The following ADAMTS9 variants were observed in gnomAD, a reference collection of about 807,000 sequenced individuals.
ADAMTS9 encodes the protein A disintegrin and metalloproteinase with thrombospondin motifs 9.
ADAMTS9 carries 107 observed loss-of-function variants against 257.1 expected under a neutral mutation model. The ratio of observed to expected loss-of-function variants is 0.42; its 90% CI spans 0.36 to 0.49. The LOEUF (loss-of-function observed/expected upper bound fraction) is 0.49, where lower values mean the gene tolerates loss of function less well. Ranked by LOEUF, ADAMTS9 falls within the 20% of genes least tolerant of loss-of-function variation. The pLI is 0.03. For missense variants in ADAMTS9, 2,353 were observed against 2,469.1 expected (o/e 0.95, Z 1.00); for synonymous variants, 982 against 880.9 (o/e 1.11, Z -2.03).
chr3:64,661,118 A>G (rs911312293), intron 3 of ADAMTS9, among the ~76,000 whole-genome samples: 1 of 152,226 alleles, frequency 6.6e-6, no homozygotes, highest in Non-Finnish European at 1.5e-5. Flanking sequence ...GAGGACTACT[A>G]TAGTAAAATC....
At chr3:64,631,094 A>C (rs185721889) in intron 16 of ADAMTS9, among the ~76,000 whole-genome samples, 84 of 152,300 alleles carry the variant, frequency 5.5e-4, no homozygotes, top group African/African-American at 2.0e-3. Flanking sequence ...GCTTCTAATA[A>C]AATATTTGCA....
intron 30 of ADAMTS9, among the ~76,000 whole-genome samples, chr3:64,557,306 C>T (rs138540294): frequency 1.2e-4 from 18 of 152,260 alleles, no homozygotes; most frequent in African/African-American, 3.1e-4. Context: ...TGGCCCCATA[C>T]GATCACAATT....
intron 16 of ADAMTS9, among the ~76,000 whole-genome samples, chr3:64,625,353 T>C (rs1331413882): frequency 6.6e-6 from 1 of 152,160 alleles, no homozygotes; most frequent in South Asian, 2.1e-4. Flanking sequence ...AGGTGACACA[T>C]TATCTTTCAC....
chr3:64,647,849 C>G (rs1291639499), intron 11 of ADAMTS9, 91 bp downstream of exon 11: 8 of 1,120,124 alleles, frequency 7.1e-6, no homozygotes, highest in Non-Finnish European at 1.0e-5. Flanking sequence ...ACTGCATTGT[C>G]TTATATTCTA....
chr3:64,564,617 G>C (rs1189002865), intron 29 of ADAMTS9, among the ~76,000 whole-genome samples: 5 of 148,000 alleles, frequency 3.4e-5, no homozygotes, highest in Non-Finnish European at 7.4e-5. Flanking sequence ...TTTTTTGTGT[G>C]TGGGGGGGGC....
chr3:64,606,110 T>C (rs1318995041), intron 23 of ADAMTS9, among the ~76,000 whole-genome samples: 1 of 152,236 alleles, frequency 6.6e-6, no homozygotes, highest in Non-Finnish European at 1.5e-5. Context: ...CACTGACCAG[T>C]GATGTGGAAG....
chr3:64,687,739 GC>G lies in ADAMTS9; in HGVS notation c.-83del. 1 of 1,131,074 alleles carries G rather than the reference GC, an allele frequency of 8.8e-7. No homozygotes were observed. Among genetic ancestry groups the G allele is most frequent in the South Asian group, 1.9e-5 (1 of 51,508 alleles). 70.1% of individuals were successfully genotyped at this position (1,131,074 alleles called of 1,614,324 possible). ...GCTGCGGCGGCGACGCGAGGCAGCG[GC>G]CGTGGAGAGCGCGCGGAGCCCGGCG... On this transcript the variant is annotated 5_prime_UTR_variant, in exon 1 of 40. Coordinates refer to ENST00000498707, the MANE Select transcript of ADAMTS9 (RefSeq NM_182920.2). The surrounding 1 kb of genome is among the most constrained non-coding windows in gnomAD (Gnocchi z 4.4).
Position 64,651,036 on chromosome 3 carries a change from A to G in ADAMTS9, c.1444T>C (p.Tyr482His). Residue 482 changes from tyrosine (Y) to histidine (H), a missense_variant, in exon 9 of 40, where the codon TAT becomes CAT. Transcript: ENST00000498707. ...PWMWSKCSRK[Y>H]ITEFLDTGYG... ...TCTTACTCTAAAAACTCAGTGATAT[A>G]TTTTCGACTACACTTTGACCACATC... 1 of 1,605,672 alleles carries G rather than the reference A, an allele frequency of 6.2e-7. No homozygotes were observed. Among genetic ancestry groups the G allele is most frequent in the Non-Finnish European group, 8.5e-7 (1 of 1,177,000 alleles).
At chr3:64,638,750 C>T (rs7623129) in intron 12 of ADAMTS9, among the ~76,000 whole-genome samples, 87,347 of 152,004 alleles carry the variant, frequency 0.57, 27,601 homozygotes, top group African/African-American at 0.86. Context: ...CTCATGTACA[C>T]GGCAAGGCTA....
chr3:64,612,625 C>T (rs909177849), intron 22 of ADAMTS9, among the ~76,000 whole-genome samples: 1 of 152,118 alleles, frequency 6.6e-6, no homozygotes, highest in South Asian at 2.1e-4. Context: ...CAAGAGATTA[C>T]GCAAGTGACA....
chr3:64,637,883 C>T (rs1700539368), intron 12 of ADAMTS9, among the ~76,000 whole-genome samples: 1 of 152,204 alleles, frequency 6.6e-6, no homozygotes, highest in Non-Finnish European at 1.5e-5. Flanking sequence ...TTTACTTATT[C>T]ATTAGTTAAT....
Position 64,633,546 on chromosome 3 carries a change from G to T in ADAMTS9, c.2101C>A (p.Leu701Ile). The T allele has an allele frequency of 6.2e-7, 1 of 1,614,110 alleles. No individual in the cohort carries two copies. The highest frequency in any genetic ancestry group is 8.5e-7 in the Non-Finnish European group (1 of 1,180,016). ...RVAGNTAYYQ[L>I]RDRVIDGTPC... The stretch of plus-strand genomic sequence containing the variant: ...GTTCCATCTATCACTCTGTCTCGAA[G>T]CTGATAGTAGGCTGTGTTCCCTGCC... The change falls in exon 14 of 40, where the codon CTT (leucine) becomes ATT (isoleucine). Residue 701 changes from leucine (L) to isoleucine (I), a missense_variant. By Grantham distance (5) the Leu-to-Ile change is conservative. This residue lies in a region of ADAMTS9 where 360 missense variants were observed against 458.1 expected (regional missense o/e 0.79). Coordinates refer to ENST00000498707, the MANE Select transcript of ADAMTS9 (RefSeq NM_182920.2).
At chr3:64,576,642 G>T (rs890365393) in intron 28 of ADAMTS9, among the ~76,000 whole-genome samples, 1 of 152,200 alleles carries the variant, frequency 6.6e-6, no homozygotes, top group African/African-American at 2.4e-5. Flanking sequence ...AGCTGAGAGC[G>T]CCTGAGATTG....
intron 28 of ADAMTS9, 142 bp downstream of exon 28, chr3:64,594,115 AT>A: frequency 1.1e-6 from 1 of 871,632 alleles, no homozygotes; most frequent in East Asian, 2.7e-5. Flanking sequence ...TTATGTGCCA[AT>A]ATGGAGAAAA....
chr3:64,647,935 C>T lies in ADAMTS9; in HGVS notation c.1710+5G>A. ...GACAGAAGGACAGAACAGGGCATTA[C>T]TTGCCTTTCCAGGCTCGCACTCCGT... On this transcript the variant is annotated splice_donor_5th_base_variant and intron_variant, in intron 11 of 39. Transcript: ENST00000498707. 1 of 1,612,902 alleles carries T rather than the reference C, an allele frequency of 6.2e-7. No homozygotes were observed.
chr3:64,647,933 T>C lies in ADAMTS9; in HGVS notation c.1710+7A>G. On this transcript the variant is annotated splice_region_variant and intron_variant, in intron 11 of 39. Coordinates refer to ENST00000498707, the MANE Select transcript of ADAMTS9 (RefSeq NM_182920.2). ...AAGACAGAAGGACAGAACAGGGCAT[T>C]ACTTGCCTTTCCAGGCTCGCACTCC... 7.4e-6 allele frequency: 12 copies of C among 1,612,926 alleles called. No individual in the cohort carries two copies. Among genetic ancestry groups the C allele is most frequent in the Non-Finnish European group, 9.3e-6 (11 of 1,179,436 alleles).
chr3:64,655,992 G>T (rs984329887), intron 4 of ADAMTS9, 117 bp from the exon 5 acceptor site: 2 of 605,026 alleles, frequency 3.3e-6, no homozygotes, highest in Non-Finnish European at 5.7e-6. Context: ...TATGCATTTT[G>T]TGGTTGTGAA....
At chr3:64,554,995 T>C (rs1184281017) in intron 30 of ADAMTS9, among the ~76,000 whole-genome samples, 2 of 152,196 alleles carry the variant, frequency 1.3e-5, no homozygotes, top group Non-Finnish European at 2.9e-5. Flanking sequence ...TTTGGTGCAA[T>C]TCCCTAACCA....
chr3:64,569,030 A>G (rs2083612283), intron 28 of ADAMTS9: 1 of 156,150 alleles, frequency 6.4e-6, no homozygotes, highest in African/African-American at 2.4e-5. Flanking sequence ...CACTGGGAAG[A>G]GGTGAAAAAG....
Sources: allele counts gnomAD v4.1 joint callset (sites outside exome capture counted in the v4.1 genomes callset), GRCh38; gene constraint gnomAD v4.1.1; regional missense constraint gnomAD v4.1.1; non-coding constraint Gnocchi (gnomAD v3.1); transcripts MANE v1.5; gene names NCBI Gene and HGNC (gene_info 2026-07-23, HGNC 2026-07-21).